JADE1: variants seen among roughly 807,000 people sequenced by gnomAD.
JADE1 encodes the protein protein Jade-1.
JADE1 carries 14 observed loss-of-function variants against 81.8 expected under a neutral mutation model. The observed-to-expected ratio is 0.17, with a 90% CI of 0.11 to 0.27. The LOEUF is 0.27. Ranked by LOEUF, JADE1 falls within the 10% of genes least tolerant of loss-of-function variation. The pLI is 1.00. For missense variants in JADE1, 690 were observed against 1,047.9 expected (o/e 0.66, Z 4.71); for synonymous variants, 353 against 391.9 (o/e 0.90, Z 1.17).
chr4:128,861,154 G>T lies in JADE1; in HGVS notation c.982-550G>T, dbSNP rs564838132. 8.5e-5 allele frequency among the ~76,000 whole-genome samples: 13 copies of T among 152,284 alleles called. 1 individual carries two copies. The South Asian group carries it at 2.7e-3, about 32-fold the overall frequency. On this transcript the variant is annotated intron_variant, in intron 8 of 10. Transcript: ENST00000226319. ...TCTTATTCAGGTTTGCACCAAAAGA[G>T]CTCAAATCTGTAAGAAAACCCAAGT...
intron 9 of JADE1, chr4:128,862,439 T>G (rs1201902040): frequency 1.2e-4 from 64 of 539,300 alleles, no homozygotes; most frequent in Non-Finnish European, 1.6e-4. Context: ...TTCTTTGTGG[T>G]TTTTTTTTTT....
At chr4:128,829,884 TC>T (rs1451871035) in intron 1 of JADE1, among the ~76,000 whole-genome samples, 1 of 152,114 alleles carries the variant, frequency 6.6e-6, no homozygotes, top group East Asian at 1.9e-4. Context: ...TCCACATTTT[TC>T]TTTTTTTTTC....
intron 1 of JADE1, among the ~76,000 whole-genome samples, chr4:128,820,515 A>T (rs1727466697): frequency 6.6e-6 from 1 of 152,112 alleles, no homozygotes; most frequent in Admixed American, 6.6e-5. Flanking sequence ...TGCTTTCTAG[A>T]CCTTGCTTCT....
intron 9 of JADE1, 48 bp from the exon 10 acceptor site, chr4:128,867,808 C>T (rs759396687): frequency 2.4e-6 from 3 of 1,225,854 alleles, no homozygotes; most frequent in Non-Finnish European, 3.6e-6. Context: ...CACCAAAGTA[C>T]TGTTATACTG....
In JADE1 at chr4:128,872,296, C is replaced by T. The variant is rs372383076; in HGVS notation, c.*34C>T. 1.6e-5 allele frequency: 26 copies of T among 1,585,808 alleles called. No individual in the cohort carries two copies. In the Middle Eastern group the frequency reaches 8.4e-4, roughly 51 times the overall value. On this transcript the variant is annotated 3_prime_UTR_variant, in exon 11 of 11. Transcript: ENST00000226319. ...AGATGATGCGGAAGCCCTTTGGGCT[C>T]GTCATTGGGTTTGCTAGAGGAGAGC...
chr4:128,839,774 G>T (rs919283338), intron 2 of JADE1, among the ~76,000 whole-genome samples: 1 of 152,136 alleles, frequency 6.6e-6, no homozygotes, highest in Non-Finnish European at 1.5e-5. Context: ...CTGTGATGGT[G>T]TTCCACTGTA....
rs550457849 is a variant in JADE1, at chr4:128,858,844, G to A, written c.981+1390G>A. ...AGGCTGGTCTCGAACTCCTGACCTC[G>A]TGATCCACCCACCTCGGCCTCCCAA... is the stretch of plus-strand genomic sequence containing the variant. On this transcript the variant is annotated intron_variant, in intron 8 of 10. Coordinates refer to ENST00000226319, the MANE Select transcript of JADE1 (RefSeq NM_199320.4). 3.9e-5 allele frequency among the ~76,000 whole-genome samples: 6 copies of A among 152,136 alleles called. No homozygotes were observed. The East Asian group carries it at 5.8e-4, about 15-fold the overall frequency.
At chr4:128,812,477 A>G (rs530604656) in intron 1 of JADE1, among the ~76,000 whole-genome samples, 50 of 151,952 alleles carry the variant, frequency 3.3e-4, no homozygotes, top group Non-Finnish European at 1.5e-4. Context: ...TAGCCTTCTC[A>G]CGTCCCCTCT....
intron 1 of JADE1, among the ~76,000 whole-genome samples, chr4:128,824,259 T>C (rs930667986): frequency 6.6e-6 from 1 of 151,504 alleles, no homozygotes; most frequent in South Asian, 2.1e-4. Context: ...TCTACTAAAA[T>C]TACAAAAAAA....
intron 5 of JADE1, among the ~76,000 whole-genome samples, chr4:128,851,675 T>C (rs1730368071): frequency 6.6e-6 from 1 of 152,194 alleles, no homozygotes; most frequent in Non-Finnish European, 1.5e-5. Flanking sequence ...GGTTGATTGA[T>C]TGATAGATTG....
chr4:128,857,308 C>T, intron 7 of JADE1, 30 bp from the exon 8 acceptor site: 2 of 1,552,028 alleles, frequency 1.3e-6, no homozygotes, highest in South Asian at 1.1e-5. Flanking sequence ...CGACCTGAGC[C>T]ACCCTGTCTT....
intron 9 of JADE1, chr4:128,864,549 C>G: frequency 3.0e-6 from 3 of 985,256 alleles, no homozygotes; most frequent in Non-Finnish European, 3.6e-6. Context: ...TTTGCCTTGC[C>G]CAGAGAGTTG....
intron 1 of JADE1, among the ~76,000 whole-genome samples, chr4:128,824,269 AT>A (rs1426433948): frequency 1.9e-4 from 29 of 151,192 alleles, no homozygotes; most frequent in East Asian, 1.4e-3. Context: ...TTACAAAAAA[AT>A]ATATATATAT....
intron 1 of JADE1, 146 bp from the exon 2 acceptor site, chr4:128,831,587 T>C (rs765945901): frequency 1.5e-6 from 1 of 660,940 alleles, no homozygotes; most frequent in Non-Finnish European, 2.7e-6. Flanking sequence ...TATGTATCTT[T>C]GGTCTTTTTA....
In JADE1 at chr4:128,867,928, A is replaced by G. The variant is rs1248274600; in HGVS notation, c.1576A>G (p.Ile526Val). 1 of 1,613,802 alleles carries G rather than the reference A, an allele frequency of 6.2e-7. No homozygotes were observed. Among genetic ancestry groups the G allele is most frequent in the Non-Finnish European group, 8.5e-7 (1 of 1,179,742 alleles). The change falls in exon 10 of 11, where the codon ATA becomes GTA. Residue 526 changes from isoleucine (I) to valine (V), a missense_variant. By Grantham distance (29) the Ile-to-Val change is conservative (BLOSUM62 3). Transcript: ENST00000226319. ...GTCTGTGTGCAAAGTCCAGGAACAGATATTCAATCTTTACACTAAGCTTTT... is the reference window on the plus strand; with the variant it reads ...GTCTGTGTGCAAAGTCCAGGAACAGGTATTCAATCTTTACACTAAGCTTTT... ...KRSVCKVQEQIFNLYTKLLEQ... is the reference protein window; with the variant it reads ...KRSVCKVQEQVFNLYTKLLEQ...
rs1732362794 is a variant in JADE1, at chr4:128,873,517, T to A, written c.*1255T>A. ...TATTAAGTTATCAGCAATAATAAATTTAGCATTAAATTTGAGTACAATGTT... is the reference window on the plus strand; with the variant it reads ...TATTAAGTTATCAGCAATAATAAATATAGCATTAAATTTGAGTACAATGTT... On this transcript the variant is annotated 3_prime_UTR_variant, in exon 11 of 11. Transcript: ENST00000226319. The A allele has an allele frequency of 6.6e-6, 1 of 152,588 alleles. No individual in the cohort carries two copies. The highest frequency in any genetic ancestry group is 2.4e-5 in the African/African-American group (1 of 41,434). 9.5% of individuals were successfully genotyped at this position (152,588 alleles called of 1,614,324 possible).
chr4:128,860,845 TCCTGC>T (rs1731261066), intron 8 of JADE1, among the ~76,000 whole-genome samples: 1 of 152,210 alleles, frequency 6.6e-6, no homozygotes, highest in African/African-American at 2.4e-5. Context: ...TTCACGGTTC[TCCTGC>T]CTCTCTTCAG....
rs561484849 is a variant in JADE1, at chr4:128,855,837, A to C, written c.864+40A>C. On this transcript the variant is annotated intron_variant, in intron 7 of 10. Transcript: ENST00000226319. ...TTTTTTGTTGTTTTTACTTTTTTTT[A>C]AGACAGAGTTTAACTCTGTCGCCCA... 1.5e-4 allele frequency: 189 copies of C among 1,239,320 alleles called. 2 individuals are homozygous for C. In the South Asian group the frequency reaches 2.6e-3, roughly 17 times the overall value. 76.8% of individuals were successfully genotyped at this position (1,239,320 alleles called of 1,614,324 possible).
chr4:128,819,507 T>C lies in JADE1; in HGVS notation c.-27+9630T>C, dbSNP rs578202863. Among the ~76,000 whole-genome samples the C allele has an allele frequency of 2.0e-5, 3 of 152,278 alleles. No homozygotes were observed. The East Asian group carries it at 5.8e-4, about 29-fold the overall frequency. ...CTAAGAAGACCTGTGTAAGAGGATA[T>C]GTATTATAAGATTGTGTTCCACTAC... is the stretch of plus-strand genomic sequence containing the variant. On this transcript the variant is annotated intron_variant, in intron 1 of 10. Coordinates refer to ENST00000226319, the MANE Select transcript of JADE1 (RefSeq NM_199320.4).
Sources: gnomAD v4.1 joint callset for allele counts (sites outside exome capture counted in the v4.1 genomes callset) on GRCh38, gnomAD v4.1.1 for gene constraint, MANE v1.5 for transcripts, NCBI Gene and HGNC (gene_info 2026-07-23, HGNC 2026-07-21) for gene names.